The following DYRK3 variants were observed in gnomAD, a reference collection of about 807,000 sequenced individuals.
The protein encoded by DYRK3 is dual specificity tyrosine-phosphorylation-regulated kinase 3.
In DYRK3, 30 loss-of-function variants were observed where a neutral mutation model predicts 40.8. The ratio of observed to expected loss-of-function variants is 0.74; its 90% confidence interval spans 0.55 to 1.00. DYRK3 has a LOEUF of 1.00. Among genes scored for constraint, DYRK3 ranks in the 50% least tolerant of loss-of-function variants. DYRK3 has a pLI of 0.00. For synonymous variants in DYRK3, 272 were observed against 260.7 expected, an observed-to-expected ratio of 1.04 and a Z score of -0.42; for missense variants, 699 against 731.5, an observed-to-expected ratio of 0.96 and a Z score of 0.51.
chr1:206,648,420 C>T lies in DYRK3; in HGVS notation c.1222C>T (p.Leu408Phe). 6.2e-7 allele frequency: 1 copy of T among 1,614,170 alleles called. No individual in the cohort carries two copies. The highest frequency in any genetic ancestry group is 8.5e-7 in the Non-Finnish European group (1 of 1,180,014). The stretch of plus-strand genomic sequence containing the variant: ...TGCAGAACTTTTAACAGGACAGCCT[C>T]TCTTCCCTGGAGAGGATGAAGGAGA... ...ILAELLTGQP[L>F]FPGEDEGDQL... The change falls in exon 3 of 3, where the codon CTC (leucine) becomes TTC (phenylalanine). Residue 408 changes from leucine to phenylalanine, a missense_variant. Transcript: ENST00000367109.
chr1:206,637,509 A>G (rs1671149420), intron 1 of DYRK3, 141 bp from the exon 2 acceptor site: 2 of 586,190 alleles, frequency 3.4e-6, no homozygotes, highest in Admixed American at 3.3e-5. Context: ...CAAATACCCC[A>G]GTTGTTTGTA....
In DYRK3 at chr1:206,653,258, TC is replaced by T. The variant is rs1553421534; in HGVS notation, c.*4295del. Among the ~76,000 whole-genome samples the T allele has an allele frequency of 2.0e-5, 3 of 152,116 alleles. No individual in the cohort carries two copies. Among genetic ancestry groups the T allele is most frequent in the Admixed American group, 2.0e-4 (3 of 15,266 alleles). ...GTCTTGAACTCCTGGGCTCAAGTGA[TC>T]CATGTGCCTTACCCTCTCAAAGTGC... On this transcript the variant is annotated 3_prime_UTR_variant, in exon 3 of 3. Transcript: ENST00000367109.
chr1:206,647,061 G>A (rs1427482193), intron 2 of DYRK3, among the ~76,000 whole-genome samples: 3 of 152,076 alleles, frequency 2.0e-5, no homozygotes, highest in South Asian at 2.1e-4. Context: ...TGTAGGAGTC[G>A]AGGGGATGAG....
Position 206,649,335 on chromosome 1 carries a change from A to C in DYRK3, c.*370A>C, listed in dbSNP as rs1553421014. ...TAGTGTCCCTCGGCATCTGTTCTGG[A>C]GGGGTAATTTGGGATGTGGTGTTAG... On this transcript the variant is annotated 3_prime_UTR_variant, in exon 3 of 3. Coordinates refer to ENST00000367109, the MANE Select transcript of DYRK3 (RefSeq NM_003582.4). 1.1e-5 allele frequency: 2 copies of C among 189,752 alleles called. No individual in the cohort carries two copies. Among genetic ancestry groups the C allele is most frequent in the African/African-American group, 2.4e-5 (1 of 41,830 alleles). The allele number at this position is 189,752 out of a possible 1,614,324, so 11.8% of individuals were successfully genotyped here.
At position 206,651,851 on chromosome 1, in the gene DYRK3, A is replaced by G. The variant is rs1297042452; in HGVS notation, c.*2886A>G. On this transcript the variant is annotated 3_prime_UTR_variant, in exon 3 of 3. Coordinates refer to ENST00000367109, the MANE Select transcript of DYRK3 (RefSeq NM_003582.4). ...GTAAATTAGAGAAAATGCTACTTTT[A>G]CTATTTTGCATTTTATATCAACATT... Among the ~76,000 whole-genome samples, 2 of 152,188 alleles carry G rather than the reference A, an allele frequency of 1.3e-5. No individual in the cohort carries two copies. Among genetic ancestry groups the G allele is most frequent in the Non-Finnish European group, 2.9e-5 (2 of 68,034 alleles).
intron 1 of DYRK3, chr1:206,636,032 C>T: frequency 6.2e-6 from 9 of 1,448,190 alleles, no homozygotes; most frequent in Non-Finnish European, 7.3e-6. Context: ...CCCCTGGATT[C>T]CCTCTGAAAC....
At chr1:206,642,020 A>G (rs1343922721) in intron 2 of DYRK3, among the ~76,000 whole-genome samples, 8 of 150,770 alleles carry the variant, frequency 5.3e-5, no homozygotes, top group Admixed American at 3.3e-4. Flanking sequence ...AATTTTTACA[A>G]TCTACCCATC....
rs1417729382 is a variant in DYRK3, at chr1:206,653,864, G to C, written c.*4899G>C. On this transcript the variant is annotated 3_prime_UTR_variant, in exon 3 of 3. Transcript: ENST00000367109. ...CTTGGTGTTTAAGGGAGTTGGGGCA[G>C]ACAGGTTAGCTGGCTAATGTCATTA... is the stretch of plus-strand genomic sequence containing the variant. Among the ~76,000 whole-genome samples, 1 of 152,218 alleles carries C rather than the reference G, an allele frequency of 6.6e-6. No individual in the cohort carries two copies. The highest frequency in any genetic ancestry group is 1.5e-5 in the Non-Finnish European group (1 of 68,040).
chr1:206,648,843 C>T lies in DYRK3; in HGVS notation c.1645C>T (p.Gln549Ter), dbSNP rs782055369. The T allele has an allele frequency of 1.2e-6, 2 of 1,614,128 alleles. No individual in the cohort carries two copies. The highest frequency in any genetic ancestry group is 1.7e-6 in the Non-Finnish European group (2 of 1,180,030). The stretch of plus-strand genomic sequence containing the variant: ...GGTAGTTAATCCTGCAAGTGCTTTC[C>T]AGGGATTGGGTTCTAAGCTGCCTCC... ...KRVVNPASAF[Q>*]GLGSKLPPVV... The change falls in exon 3 of 3, where the codon CAG becomes TAG. Residue 549 changes from glutamine to a stop codon, truncating the protein, a stop_gained. Coordinates refer to ENST00000367109, the MANE Select transcript of DYRK3 (RefSeq NM_003582.4). LOFTEE classifies it high-confidence loss of function.
chr1:206,641,642 A>T (rs1671294938), intron 2 of DYRK3, among the ~76,000 whole-genome samples: 1 of 150,494 alleles, frequency 6.6e-6, no homozygotes, highest in African/African-American at 2.5e-5. Context: ...TGAGTTATTT[A>T]CAGGAAAGGA....
chr1:206,636,489 G>T (rs1671115248), intron 1 of DYRK3, among the ~76,000 whole-genome samples: 1 of 152,212 alleles, frequency 6.6e-6, no homozygotes, highest in Admixed American at 6.5e-5. Flanking sequence ...TTTGGTTTCT[G>T]TTGGTGAAGC....
rs1426317834 is a variant in DYRK3, at chr1:206,651,874, A to T, written c.*2909A>T. On this transcript the variant is annotated 3_prime_UTR_variant, in exon 3 of 3. Transcript: ENST00000367109. ...TTACTATTTTGCATTTTATATCAAC[A>T]TTAGCAGCCTGTTCCCACTCAGGTG... Among the ~76,000 whole-genome samples, 2 of 152,226 alleles carry T rather than the reference A, an allele frequency of 1.3e-5. No homozygotes were observed. Among genetic ancestry groups the T allele is most frequent in the Non-Finnish European group, 2.9e-5 (2 of 68,044 alleles).
chr1:206,638,568 T>C (rs1424596952), intron 2 of DYRK3, among the ~76,000 whole-genome samples: 1 of 150,928 alleles, frequency 6.6e-6, no homozygotes, highest in African/African-American at 2.4e-5. Flanking sequence ...GCCACCGTGC[T>C]TGGCAGCTTT....
chr1:206,645,296 G>C (rs1323089414), intron 2 of DYRK3, among the ~76,000 whole-genome samples: 1 of 152,054 alleles, frequency 6.6e-6, no homozygotes, highest in Non-Finnish European at 1.5e-5. Flanking sequence ...CTGTAGCCCA[G>C]AGCTCCTCCG....
chr1:206,648,175 T>C lies in DYRK3; in HGVS notation c.977T>C (p.Leu326Pro), dbSNP rs200128484. 2 of 1,614,118 alleles carry C rather than the reference T, an allele frequency of 1.2e-6. No individual in the cohort carries two copies. Among genetic ancestry groups the C allele is most frequent in the Non-Finnish European group, 1.7e-6 (2 of 1,180,018 alleles). ...TCCATCTTGCAATCTTTGGATGCCC[T>C]CCACAAAAATAAGATTATTCACTGC... ...AQSILQSLDA[L>P]HKNKIIHCDL... is the part of the protein sequence containing the mutation. The change falls in exon 3 of 3, where the codon CTC (leucine) becomes CCC (proline). Residue 326 changes from leucine to proline, a missense_variant. Physicochemically the swap from Leu to Pro is moderately conservative, Grantham distance 98. Transcript: ENST00000367109.
Position 206,648,071 on chromosome 1 carries a change from G to A in DYRK3, c.873G>A (p.Leu291=). Residue 291 remains leucine (L), a synonymous_variant, in exon 3 of 3, where the codon CTG becomes CTA. Transcript: ENST00000367109. ...ATGTTTGCATGGCCTTTGAATTGCT[G>A]AGCATAGACCTTTATGAGCTGATTA... The part of the protein sequence containing the change: ...RNHVCMAFEL[L]SIDLYELIKK... 1 of 1,614,100 alleles carries A rather than the reference G, an allele frequency of 6.2e-7. No homozygotes were observed. Among genetic ancestry groups the A allele is most frequent in the Non-Finnish European group, 8.5e-7 (1 of 1,180,022 alleles).
chr1:206,639,951 T>TTTC (rs1558555580), intron 2 of DYRK3, among the ~76,000 whole-genome samples: 3 of 148,160 alleles, frequency 2.0e-5, no homozygotes, highest in African/African-American at 7.5e-5. Context: ...TTTTTTTTTT[T>TTTC]TGAGACCGAG....
rs1553420294 is a variant in DYRK3 at position 206,647,483 on chromosome 1, A to G, written c.285A>G (p.Arg95=). Residue 95 remains arginine, a synonymous_variant, in exon 3 of 3, where the codon AGA becomes AGG. Coordinates refer to ENST00000367109, the MANE Select transcript of DYRK3 (RefSeq NM_003582.4). The part of the protein sequence containing the change: ...VEQLFQEFGN[R]KSNTIQSDGI... The stretch of plus-strand genomic sequence containing the variant: ...AGCTGTTTCAAGAATTTGGCAACAG[A>G]AAATCCAATACTATTCAGTCAGATG... The G allele has an allele frequency of 1.9e-6, 3 of 1,614,194 alleles. No homozygotes were observed. Among genetic ancestry groups the G allele is most frequent in the Non-Finnish European group, 2.5e-6 (3 of 1,180,026 alleles).
intron 2 of DYRK3, among the ~76,000 whole-genome samples, chr1:206,641,445 G>GTA (rs10633836): frequency 0.32 from 47,053 of 147,998 alleles, 8,649 homozygotes; most frequent in South Asian, 0.41. Context: ...GTATTCTATG[G>GTA]TATATATATA....
Sources: allele counts gnomAD v4.1 joint callset (sites outside exome capture counted in the v4.1 genomes callset), GRCh38; gene constraint gnomAD v4.1.1; transcripts MANE v1.5; gene names NCBI Gene and HGNC (gene_info 2026-07-23, HGNC 2026-07-21).